The following NEK11 variants were observed in gnomAD, a reference collection of about 807,000 sequenced individuals.
NEK11 encodes the protein NIMA related kinase 11.
In NEK11, 72 loss-of-function variants were observed where a neutral mutation model predicts 80.7. The observed-to-expected ratio is 0.89, with a 90% confidence interval of 0.74 to 1.08. The LOEUF is 1.08. NEK11 is among the 50% of genes least tolerant of loss of function. The pLI is 0.00. For synonymous variants in NEK11, 251 were observed against 260.7 expected, an observed-to-expected ratio of 0.96 and a Z score of 0.36; for missense variants, 764 against 763.6, an observed-to-expected ratio of 1.00 and a Z score of -0.01.
chr3:131,327,314 T>G (rs2096983881), intron 17 of NEK11: 1 of 152,174 alleles, frequency 6.6e-6, no homozygotes, highest in African/African-American at 2.4e-5. Context: ...CAGTGGCTGT[T>G]TGCAGAAGGT....
chr3:131,139,971 A>G (rs1560597656), intron 7 of NEK11, among the ~76,000 whole-genome samples: 1 of 152,204 alleles, frequency 6.6e-6, no homozygotes, highest in Non-Finnish European at 1.5e-5. Flanking sequence ...GGATAGGAGC[A>G]TAAGGTAAAA....
At chr3:131,183,014 C>T (rs1223581378) in intron 14 of NEK11, among the ~76,000 whole-genome samples, 1 of 152,116 alleles carries the variant, frequency 6.6e-6, no homozygotes. Context: ...CATATGGTGT[C>T]TAGTCAAATA....
chr3:131,287,684 G>A (rs538668957), intron 17 of NEK11, among the ~76,000 whole-genome samples: 1 of 152,290 alleles, frequency 6.6e-6, no homozygotes, highest in Admixed American at 6.5e-5. Context: ...ACATGGGAAA[G>A]GCTGTGGATT....
intron 17 of NEK11, among the ~76,000 whole-genome samples, chr3:131,342,919 A>G (rs2097307898): frequency 6.6e-6 from 1 of 152,230 alleles, no homozygotes; most frequent in African/African-American, 2.4e-5. Context: ...CAATTTTTAA[A>G]AAAGAAAAAA....
chr3:131,196,003 T>C (rs1285224764), intron 14 of NEK11, among the ~76,000 whole-genome samples: 1 of 151,396 alleles, frequency 6.6e-6, no homozygotes, highest in East Asian at 1.9e-4. Context: ...GTGACTATTA[T>C]ATGTGATAAT....
At chr3:131,110,717 G>C (rs530173561) in intron 5 of NEK11, among the ~76,000 whole-genome samples, 1 of 152,092 alleles carries the variant, frequency 6.6e-6, no homozygotes, top group Non-Finnish European at 1.5e-5. Flanking sequence ...TGAACGAAAG[G>C]GGGTAATTTA....
intron 17 of NEK11, among the ~76,000 whole-genome samples, chr3:131,309,441 T>C (rs568919357): frequency 1.3e-5 from 2 of 152,274 alleles, no homozygotes; most frequent in South Asian, 4.1e-4. Flanking sequence ...TCTTCTACTG[T>C]CAGAAGCATA....
At chr3:131,211,149 C>T (rs1251699926) in intron 14 of NEK11, among the ~76,000 whole-genome samples, 2 of 152,172 alleles carry the variant, frequency 1.3e-5, no homozygotes, top group Non-Finnish European at 2.9e-5. Context: ...CCTTCAGGAG[C>T]TCTTGTAAGG....
intron 17 of NEK11, among the ~76,000 whole-genome samples, chr3:131,334,793 A>G (rs1256719573): frequency 6.6e-5 from 10 of 152,252 alleles, no homozygotes; most frequent in Non-Finnish European, 1.3e-4. Flanking sequence ...GGATATCACC[A>G]CTGATCCCAC....
chr3:131,335,109 A>G (rs1317333034), intron 17 of NEK11, among the ~76,000 whole-genome samples: 1 of 152,210 alleles, frequency 6.6e-6, no homozygotes, highest in Non-Finnish European at 1.5e-5. Context: ...ATCCTCCCTA[A>G]CTCATTTTAT....
At chr3:131,122,015 C>G (rs1027231006) in intron 5 of NEK11, among the ~76,000 whole-genome samples, 1 of 152,224 alleles carries the variant, frequency 6.6e-6, no homozygotes, top group African/African-American at 2.4e-5. Context: ...GTGAGATGAA[C>G]CCGGTACCTC....
chr3:131,170,661 A>G (rs2092624630), intron 13 of NEK11, 112 bp from the exon 14 acceptor site: 1 of 725,670 alleles, frequency 1.4e-6, no homozygotes, highest in African/African-American at 1.7e-5. Context: ...AAGGGAGAGG[A>G]TTAGGTAGGC....
At chr3:131,159,348 C>T (rs2091210594) in intron 10 of NEK11, among the ~76,000 whole-genome samples, 1 of 152,130 alleles carries the variant, frequency 6.6e-6, no homozygotes, top group Admixed American at 6.5e-5. Flanking sequence ...CATTGAGATG[C>T]AGGAGCACAT....
chr3:131,055,185 C>T (rs1045298556), intron 3 of NEK11, among the ~76,000 whole-genome samples: 1 of 152,100 alleles, frequency 6.6e-6, no homozygotes, highest in African/African-American at 2.4e-5. Flanking sequence ...TTTATATCAG[C>T]CAAGTGCTTA....
rs182209565 is a variant in NEK11, at chr3:131,201,928, C to T, written c.1400-26600C>T. 3.1e-3 allele frequency among the ~76,000 whole-genome samples: 472 copies of T among 152,184 alleles called. 2 individuals are homozygous for T. The highest frequency in any genetic ancestry group is 0.024 in the Middle Eastern group (7 of 294). ...CTGCTCGCTGCAATCTCTGCCTCAC[C>T]GGATTCAAGCGATTCTCTGCCTCAG... On this transcript the variant is annotated intron_variant, in intron 14 of 17. Coordinates refer to ENST00000383366, the MANE Select transcript of NEK11 (RefSeq NM_024800.5).
intron 10 of NEK11, among the ~76,000 whole-genome samples, chr3:131,157,411 TG>T (rs2090858599): frequency 6.6e-6 from 1 of 152,016 alleles, no homozygotes; most frequent in Non-Finnish European, 1.5e-5. Context: ...GTCTGGGCGG[TG>T]GGAAAAAGTT....
intron 17 of NEK11, among the ~76,000 whole-genome samples, chr3:131,310,420 C>G (rs2096769997): frequency 6.6e-6 from 1 of 152,154 alleles, no homozygotes; most frequent in African/African-American, 2.4e-5. Context: ...GAGGTGATTA[C>G]AGGAGATACC....
chr3:131,243,443 A>G lies in NEK11; in HGVS notation c.1568A>G (p.Asp523Gly). Residue 523 changes from aspartate (D) to glycine (G), a missense_variant, in exon 16 of 18, where the codon GAT (aspartate) becomes GGT (glycine). Asp to Gly is a moderately conservative substitution (Grantham distance 94, BLOSUM62 -1). Transcript: ENST00000383366. ...TCTCCCTTATTTTGACAGGACAGTG[A>G]TATCGAAGCGTTGGCCAGGTGTTTG... ...PAYRTNQQDSDIEALARCLEN... is the reference protein window; with the variant it reads ...PAYRTNQQDSGIEALARCLEN... The G allele has an allele frequency of 6.2e-7, 1 of 1,612,744 alleles. No homozygotes were observed. The highest frequency in any genetic ancestry group is 8.5e-7 in the Non-Finnish European group (1 of 1,179,182).
At chr3:131,095,937 T>A (rs2077365279) in intron 4 of NEK11, among the ~76,000 whole-genome samples, 1 of 152,144 alleles carries the variant, frequency 6.6e-6, no homozygotes, top group Non-Finnish European at 1.5e-5. Context: ...AGAGTGATAA[T>A]TAAAATACTT....
Sources: gnomAD v4.1 joint callset for allele counts (sites outside exome capture counted in the v4.1 genomes callset) on GRCh38, gnomAD v4.1.1 for gene constraint, MANE v1.5 for transcripts, NCBI Gene and HGNC (gene_info 2026-07-23, HGNC 2026-07-21) for gene names.